ACTR3C: variants seen among roughly 807,000 people sequenced by gnomAD.
The protein encoded by ACTR3C is actin-related protein 3C.
Under a neutral mutation model 26.3 loss-of-function variants are expected in ACTR3C, and 18 were observed. That is an observed-to-expected ratio of 0.68 (90% CI 0.47 to 1.01). The LOEUF is 1.01. ACTR3C is among the 50% of genes least tolerant of loss of function. The pLI, the probability that ACTR3C is intolerant of heterozygous loss-of-function variation, is 0.00. For synonymous variants in ACTR3C, 55 were observed against 94.5 expected (o/e 0.58, Z 2.42); for missense variants, 184 against 250.7 (o/e 0.73, Z 1.80).
intron 1 of ACTR3C, among the ~76,000 whole-genome samples, chr7:150,310,033 C>T (rs187580757): frequency 2.8e-4 from 42 of 152,254 alleles, no homozygotes; most frequent in Admixed American, 2.6e-3. Context: ...CTTAAAATTC[C>T]CCCACTCTGG....
the ACTR3C span, among the ~76,000 whole-genome samples, chr7:150,037,622 C>T: frequency 1.3e-3 from 117 of 87,448 alleles, 4 homozygotes; most frequent in Middle Eastern, 5.7e-3. Flanking sequence ...AAGGTACCTG[C>T]CGTCGGAAGA....
At chr7:150,066,773 C>T in the ACTR3C span, among the ~76,000 whole-genome samples, 1 of 152,168 alleles carries the variant, frequency 6.6e-6, no homozygotes, top group African/African-American at 2.4e-5. Flanking sequence ...AGTTTAGTTC[C>T]ACTCAAATTG....
chr7:149,970,222 C>A, the ACTR3C span, among the ~76,000 whole-genome samples: 2 of 151,310 alleles, frequency 1.3e-5, no homozygotes, highest in South Asian at 4.2e-4. Context: ...GTATTTCAAC[C>A]CCATTTCCAG....
chr7:150,267,867 C>T (rs1486486044), intron 6 of ACTR3C, among the ~76,000 whole-genome samples: 2 of 152,286 alleles, frequency 1.3e-5, no homozygotes, highest in South Asian at 2.1e-4. Flanking sequence ...GAACTTCTGC[C>T]AGCGATGGTT....
At chr7:150,202,583 T>G in the ACTR3C span, among the ~76,000 whole-genome samples, 2 of 152,364 alleles carry the variant, frequency 1.3e-5, no homozygotes, top group Middle Eastern at 3.4e-3. Flanking sequence ...CTCTGCAGCA[T>G]CATCATTAAT....
intron 5 of ACTR3C, among the ~76,000 whole-genome samples, chr7:150,285,475 G>C (rs1462275722): frequency 6.6e-6 from 1 of 152,214 alleles, no homozygotes; most frequent in Non-Finnish European, 1.5e-5. Flanking sequence ...GCTTGAATGT[G>C]CACTCTCAGA....
the ACTR3C span, among the ~76,000 whole-genome samples, chr7:150,096,675 T>C: frequency 6.6e-6 from 1 of 151,926 alleles, no homozygotes; most frequent in Non-Finnish European, 1.5e-5. Flanking sequence ...TTAATTGCAC[T>C]AACGGCCTCA....
chr7:150,213,842 T>C, the ACTR3C span, among the ~76,000 whole-genome samples: 5 of 142,150 alleles, frequency 3.5e-5, no homozygotes, highest in Admixed American at 7.1e-5. Flanking sequence ...ACTGGGAAAA[T>C]GAAAGAAGAG....
At chr7:149,916,828 T>G in the ACTR3C span, among the ~76,000 whole-genome samples, 6,191 of 151,212 alleles carry the variant, frequency 0.041, 170 homozygotes, top group Non-Finnish European at 0.057. Context: ...CATACAGAAA[T>G]CAGGAAAGAC....
At chr7:150,256,812 C>T (rs1359925146) in intron 6 of ACTR3C, among the ~76,000 whole-genome samples, 1 of 151,880 alleles carries the variant, frequency 6.6e-6, no homozygotes, top group African/African-American at 2.4e-5. Flanking sequence ...AAAGCAAAAA[C>T]AAAATTAGTT....
chr7:150,254,065 C>A (rs1249594635), intron 6 of ACTR3C, among the ~76,000 whole-genome samples: 1 of 152,092 alleles, frequency 6.6e-6, no homozygotes, highest in East Asian at 1.9e-4. Flanking sequence ...CATAGTGAAG[C>A]CAAGGGTAAC....
the ACTR3C span, among the ~76,000 whole-genome samples, chr7:150,036,766 G>A: frequency 5.1e-5 from 7 of 138,372 alleles, 1 homozygote; most frequent in African/African-American, 1.0e-4. Flanking sequence ...GGTATCTGCC[G>A]TCGGAAGATT....
the ACTR3C span, among the ~76,000 whole-genome samples, chr7:149,958,922 C>T: frequency 6.6e-6 from 1 of 152,188 alleles, no homozygotes; most frequent in Admixed American, 6.5e-5. Flanking sequence ...GGAATTGTGT[C>T]AGCTAAGGCC....
At chr7:150,163,817 T>A in the ACTR3C span, among the ~76,000 whole-genome samples, 1 of 152,092 alleles carries the variant, frequency 6.6e-6, no homozygotes, top group African/African-American at 2.4e-5. Flanking sequence ...TTGTTCTATT[T>A]GAGTCCGCCT....
At chr7:150,041,914 G>GA in the ACTR3C span, among the ~76,000 whole-genome samples, 4 of 149,770 alleles carry the variant, frequency 2.7e-5, no homozygotes, top group East Asian at 2.0e-4. Flanking sequence ...CAGAGCCAGG[G>GA]GGGGAAGAGG....
the ACTR3C span, among the ~76,000 whole-genome samples, chr7:149,912,219 T>C: frequency 1.4e-3 from 214 of 151,500 alleles, 1 homozygote; most frequent in Non-Finnish European, 2.2e-3. Flanking sequence ...ATCCCAAAGT[T>C]TTGTACCCTG....
the ACTR3C span, among the ~76,000 whole-genome samples, chr7:149,928,534 T>C: frequency 6.6e-6 from 1 of 151,768 alleles, no homozygotes; most frequent in African/African-American, 2.4e-5. Flanking sequence ...GCTCAAAAAA[T>C]GAAGACATAT....
chr7:150,162,720 C>T, the ACTR3C span, among the ~76,000 whole-genome samples: 1 of 152,186 alleles, frequency 6.6e-6, no homozygotes, highest in African/African-American at 2.4e-5. Flanking sequence ...TATCTACAAG[C>T]AATGGCAACA....
the ACTR3C span, among the ~76,000 whole-genome samples, chr7:149,994,606 G>GA: frequency 7.4e-5 from 11 of 147,746 alleles, no homozygotes; most frequent in East Asian, 4.0e-4. Context: ...CATCTCAAAA[G>GA]AAAAAAAAAT....
Sources: allele counts gnomAD v4.1 joint callset (sites outside exome capture counted in the v4.1 genomes callset), GRCh38; gene constraint gnomAD v4.1.1; transcripts MANE v1.5; gene names NCBI Gene and HGNC (gene_info 2026-07-23, HGNC 2026-07-21).